Variants in ADAMTSL1 observed in about 807,000 individuals in gnomAD.
The protein encoded by ADAMTSL1 is ADAMTS like 1.
In ADAMTSL1, 126 loss-of-function variants were observed where a neutral mutation model predicts 201.8. That is an observed-to-expected ratio of 0.62 (90% CI 0.54 to 0.72). The LOEUF (loss-of-function observed/expected upper bound fraction) is 0.72, where lower values mean the gene tolerates loss of function less well. Among genes scored for constraint, ADAMTSL1 ranks in the 30% least tolerant of loss-of-function variants. The pLI is 0.00. For missense variants in ADAMTSL1, 2,679 were observed against 2,277.8 expected (o/e 1.18, Z -3.59); for synonymous variants, 1,121 against 903.4 (o/e 1.24, Z -4.32).
rs141430756 is a variant in ADAMTSL1, at chr9:18,560,804, C to T, written c.238-13226C>T. Among the ~76,000 whole-genome samples the T allele has an allele frequency of 4.1e-3, 626 of 151,932 alleles. 2 individuals carry two copies. Among genetic ancestry groups the T allele is most frequent in the African/African-American group, 0.015 (604 of 41,484 alleles). On this transcript the variant is annotated intron_variant, in intron 3 of 28. Coordinates refer to ENST00000380548, the MANE Select transcript of ADAMTSL1 (RefSeq NM_001040272.6). The stretch of plus-strand genomic sequence containing the variant: ...TAGTTTATTTGCATACAGGTGTTTA[C>T]AGTATTCTCTGATGGTAGTTTGTAT...
At chr9:18,090,384 G>C (rs1823957303) in intron 1 of ADAMTSL1, among the ~76,000 whole-genome samples, 1 of 151,926 alleles carries the variant, frequency 6.6e-6, no homozygotes, top group Non-Finnish European at 1.5e-5. Context: ...AACAAAATAG[G>C]GTATATACAC....
intron 4 of ADAMTSL1, among the ~76,000 whole-genome samples, chr9:18,603,264 G>C (rs1824777869): frequency 6.6e-6 from 1 of 152,118 alleles, no homozygotes; most frequent in Admixed American, 6.6e-5. Context: ...AGAAAGATGA[G>C]GTGACTTGGA....
At chr9:18,171,983 G>T (rs1315585374) in intron 2 of ADAMTSL1, among the ~76,000 whole-genome samples, 1 of 151,836 alleles carries the variant, frequency 6.6e-6, no homozygotes, top group Non-Finnish European at 1.5e-5. Flanking sequence ...AAGATCAGAT[G>T]GTTGTAGATG....
At chr9:18,545,133 T>A (rs532253039) in intron 3 of ADAMTSL1, among the ~76,000 whole-genome samples, 59 of 152,258 alleles carry the variant, frequency 3.9e-4, no homozygotes, top group African/African-American at 1.3e-3. Flanking sequence ...TAGAGAAGAA[T>A]TAGTATATTT....
chr9:18,387,356 C>T, intron 2 of ADAMTSL1, among the ~76,000 whole-genome samples: 1 of 151,772 alleles, frequency 6.6e-6, no homozygotes, highest in South Asian at 2.1e-4. Context: ...TCCTCCTATA[C>T]AGCCTTGCTA....
intron 23 of ADAMTSL1, 66 bp downstream of exon 23, chr9:18,830,043 C>G (rs1275419657): frequency 1.3e-6 from 2 of 1,538,300 alleles, no homozygotes; most frequent in Non-Finnish European, 1.8e-6. Context: ...GGATGGGTGA[C>G]TGTTTGCAGG....
rs146889768 is a variant in ADAMTSL1, at chr9:18,370,689, G to A, written c.208-134140G>A. Among the ~76,000 whole-genome samples the A allele has an allele frequency of 4.9e-3, 690 of 140,058 alleles. 4 individuals are homozygous for A. Among genetic ancestry groups the A allele is most frequent in the Non-Finnish European group, 7.6e-3 (506 of 66,238 alleles). The allele number at this position is 140,058 out of a possible 152,430, so 91.9% of individuals were successfully genotyped here. On this transcript the variant is annotated intron_variant, in intron 2 of 29. Coordinates refer to the ADAMTSL1 transcript ENST00000680146. ...CATAAATAAGGTATGTTTGTAGAGC[G>A]TCTTTTTTTTTTTTTTTTTTAAGAA...
chr9:18,764,254 A>G (rs1282857424), intron 16 of ADAMTSL1, among the ~76,000 whole-genome samples: 2 of 152,060 alleles, frequency 1.3e-5, no homozygotes, highest in African/African-American at 4.8e-5. Context: ...TGTAGATATT[A>G]TAAGTGGAAT....
At chr9:18,363,993 G>GA (rs559529802) in intron 2 of ADAMTSL1, among the ~76,000 whole-genome samples, 5 of 150,860 alleles carry the variant, frequency 3.3e-5, no homozygotes, top group African/African-American at 4.9e-5. Flanking sequence ...TGAAGATACT[G>GA]AAAAAAAAAT....
intron 2 of ADAMTSL1, among the ~76,000 whole-genome samples, chr9:18,268,459 G>T (rs960776887): frequency 5.3e-5 from 8 of 152,180 alleles, no homozygotes; most frequent in African/African-American, 1.9e-4. Flanking sequence ...CATTTGGTAA[G>T]ATATCAGTCA....
At chr9:18,378,840 T>A (rs954377174) in intron 2 of ADAMTSL1, among the ~76,000 whole-genome samples, 1 of 152,186 alleles carries the variant, frequency 6.6e-6, no homozygotes, top group Non-Finnish European at 1.5e-5. Context: ...TGTTTGTTTT[T>A]CATTACAAAG....
intron 1 of ADAMTSL1, among the ~76,000 whole-genome samples, chr9:18,013,737 CTGTTAGTCTAATTTA>C (rs1465326284): frequency 6.6e-6 from 1 of 151,974 alleles, no homozygotes; most frequent in African/African-American, 2.4e-5. Context: ...TGCCATACCT[CTGTTAGTCTAATTTA>C]AAAAGTTGGA....
At chr9:18,211,822 G>A (rs1003643332) in intron 2 of ADAMTSL1, among the ~76,000 whole-genome samples, 8 of 152,178 alleles carry the variant, frequency 5.3e-5, no homozygotes, top group African/African-American at 1.9e-4. Flanking sequence ...AAATCAGATA[G>A]TGAAACTTAC....
chr9:18,194,755 C>G (rs929906185), intron 2 of ADAMTSL1, among the ~76,000 whole-genome samples: 15 of 152,056 alleles, frequency 9.9e-5, no homozygotes, highest in African/African-American at 3.6e-4. Context: ...GCTCCCCTGT[C>G]CTGCTTCTCT....
At chr9:18,179,547 G>C (rs1458866812) in intron 2 of ADAMTSL1, among the ~76,000 whole-genome samples, 3 of 152,134 alleles carry the variant, frequency 2.0e-5, no homozygotes, top group Non-Finnish European at 4.4e-5. Flanking sequence ...TACTCCTCGA[G>C]AAGAGCAACT....
chr9:18,522,190 T>C (rs1818737950), intron 2 of ADAMTSL1, among the ~76,000 whole-genome samples: 1 of 152,130 alleles, frequency 6.6e-6, no homozygotes, highest in South Asian at 2.1e-4. Flanking sequence ...ACCTAACAGG[T>C]ACTATGCTCA....
At position 18,725,052 on chromosome 9, in the gene ADAMTSL1, G is replaced by A. The variant is rs576005898; in HGVS notation, c.2006+3387G>A. ...CTCCCAAGTAGCTGGAACTACAGGC[G>A]CCCACCACCACGCCTGGCTAATATT... On this transcript the variant is annotated intron_variant, in intron 15 of 28. Transcript: ENST00000380548. Among the ~76,000 whole-genome samples, 27 of 152,106 alleles carry A rather than the reference G, an allele frequency of 1.8e-4. 1 individual carries two copies. Among genetic ancestry groups the A allele is most frequent in the Admixed American group, 1.2e-3 (19 of 15,278 alleles).
intron 2 of ADAMTSL1, among the ~76,000 whole-genome samples, chr9:18,187,076 GC>G (rs1332567786): frequency 1.3e-5 from 2 of 152,146 alleles, no homozygotes; most frequent in African/African-American, 4.8e-5. Flanking sequence ...TCACCATGCT[GC>G]ATTTTCATCA....
chr9:18,156,033 G>T (rs1221982786), intron 1 of ADAMTSL1, among the ~76,000 whole-genome samples: 2 of 152,014 alleles, frequency 1.3e-5, no homozygotes, highest in Admixed American at 1.3e-4. Context: ...AAGAGTCTCA[G>T]ACTGCAGCCT....
Sources: allele counts gnomAD v4.1 joint callset (sites outside exome capture counted in the v4.1 genomes callset), GRCh38; gene constraint gnomAD v4.1.1; transcripts MANE v1.5; gene names NCBI Gene and HGNC (gene_info 2026-07-23, HGNC 2026-07-21).